Variants in XYLT1 observed in about 807,000 individuals in gnomAD.
XYLT1 encodes beta-D-xylosyltransferase 1.
In XYLT1, 36 loss-of-function variants were observed where a neutral mutation model predicts 91.3. The ratio of observed to expected loss-of-function variants is 0.39; its 90% CI spans 0.30 to 0.52. XYLT1 has a LOEUF of 0.52. Ranked by LOEUF, XYLT1 falls within the 20% of genes least tolerant of loss-of-function variation. The probability of loss-of-function intolerance (pLI) is 0.68; values close to 1 mark genes in which losing one functional copy is unlikely to be tolerated. For synonymous variants in XYLT1, 588 were observed against 532.0 expected, an observed-to-expected ratio of 1.11 and a Z score of -1.45; for missense variants, 1,242 against 1,284.5, an observed-to-expected ratio of 0.97 and a Z score of 0.51.
intron 1 of XYLT1, among the ~76,000 whole-genome samples, chr16:17,413,961 C>A (rs879431260): frequency 1.3e-5 from 2 of 152,146 alleles, no homozygotes; most frequent in Non-Finnish European, 2.9e-5. Context: ...AGCTAGAGAC[C>A]CCTCTAGAGC....
At position 17,341,327 on chromosome 16, in the gene XYLT1, A is replaced by G. The variant is rs115843247; in HGVS notation, c.402+16685T>C. ...TTATTGAACAGCTACTACATCCCAG[A>G]GACTGTGACAGGTGCTGAAAACAGA... On this transcript the variant is annotated intron_variant, in intron 2 of 11. Transcript: ENST00000261381. 6.8e-3 allele frequency among the ~76,000 whole-genome samples: 1,041 copies of G among 152,346 alleles called. 7 individuals are homozygous for G. Among genetic ancestry groups the G allele is most frequent in the African/African-American group, 0.024 (988 of 41,582 alleles).
At position 17,108,144 on chromosome 16, in the gene XYLT1, C is replaced by A. The variant is rs981642551; in HGVS notation, c.*551G>T. 2 of 152,788 alleles carry A rather than the reference C, an allele frequency of 1.3e-5. No individual in the cohort carries two copies. Among genetic ancestry groups the A allele is most frequent in the African/African-American group, 4.8e-5 (2 of 41,458 alleles). 9.5% of individuals were successfully genotyped at this position (152,788 alleles called of 1,614,324 possible). A position where few individuals can be genotyped will look rare whatever the true frequency, so the allele number is the denominator to read the frequency against. On this transcript the variant is annotated 3_prime_UTR_variant, in exon 12 of 12. Transcript: ENST00000261381. ...CCAAAGGGCAGGGCTGGAGTTTGAACCCATGGTTGGTCTGGGCAGTGCTTG... is the reference window on the plus strand; with the variant it reads ...CCAAAGGGCAGGGCTGGAGTTTGAAACCATGGTTGGTCTGGGCAGTGCTTG...
intron 5 of XYLT1, among the ~76,000 whole-genome samples, chr16:17,184,831 T>G (rs1167843000): frequency 6.6e-6 from 1 of 152,220 alleles, no homozygotes; most frequent in Non-Finnish European, 1.5e-5. Context: ...AACTATCACA[T>G]TTTTCCCCAG....
chr16:17,118,448 T>G (rs756210), intron 10 of XYLT1, among the ~76,000 whole-genome samples: 6,405 of 152,220 alleles, frequency 0.042, 200 homozygotes, highest in East Asian at 0.15. Flanking sequence ...AGAGATCATG[T>G]TTTTACAGCT....
intron 11 of XYLT1, among the ~76,000 whole-genome samples, chr16:17,115,312 TAAAAA>T (rs869095502): frequency 2.3e-4 from 11 of 48,830 alleles, no homozygotes; most frequent in African/African-American, 4.7e-4. Flanking sequence ...CAAAAATAGT[TAAAAA>T]AAAAAAAAAA....
intron 3 of XYLT1, among the ~76,000 whole-genome samples, chr16:17,258,124 G>T (rs371453563): frequency 1.1e-4 from 17 of 151,986 alleles, no homozygotes; most frequent in African/African-American, 4.1e-4. Flanking sequence ...GGGAAAGAGG[G>T]AGGGGAAAAG....
intron 5 of XYLT1, among the ~76,000 whole-genome samples, chr16:17,191,439 AG>A (rs1341605545): frequency 1.3e-5 from 2 of 152,188 alleles, no homozygotes; most frequent in East Asian, 3.9e-4. Flanking sequence ...AACATTATCA[AG>A]GGCTTGACTT....
At chr16:17,379,728 ATCTCTCTCTCTCTCTC>A (rs71137986) in intron 1 of XYLT1, among the ~76,000 whole-genome samples, 5 of 125,816 alleles carry the variant, frequency 4.0e-5, no homozygotes, top group Admixed American at 8.4e-5. Context: ...AATGAAGGAT[ATCTCTCTCTCTCTCTC>A]TCTCTCTCTC....
intron 11 of XYLT1, among the ~76,000 whole-genome samples, chr16:17,110,371 A>G (rs1197361035): frequency 6.6e-6 from 1 of 152,172 alleles, no homozygotes; most frequent in African/African-American, 2.4e-5. Context: ...GAAGTAATTG[A>G]ATCATGATGA....
intron 10 of XYLT1, among the ~76,000 whole-genome samples, chr16:17,119,576 C>T (rs928888639): frequency 1.3e-4 from 20 of 152,150 alleles, no homozygotes; most frequent in African/African-American, 1.2e-4. Flanking sequence ...TATGTCAGTC[C>T]ATTCTTTACC....
chr16:17,325,213 C>G (rs1176068014), intron 2 of XYLT1, among the ~76,000 whole-genome samples: 1 of 152,094 alleles, frequency 6.6e-6, no homozygotes, highest in Non-Finnish European at 1.5e-5. Flanking sequence ...GTCTGGCCAA[C>G]ATGGTGAAAC....
chr16:17,338,415 CT>C (rs1202029040), intron 2 of XYLT1: 2 of 456,408 alleles, frequency 4.4e-6, no homozygotes, highest in Non-Finnish European at 8.8e-6. Context: ...ACATCTGACA[CT>C]TTGGAAAAGG....
At chr16:17,138,566 T>C (rs766870366) in intron 7 of XYLT1, 35 bp from the exon 8 acceptor site, 1 of 1,598,958 alleles carries the variant, frequency 6.3e-7, no homozygotes, top group African/African-American at 1.3e-5. Flanking sequence ...CTGAGACCTC[T>C]CCCAGCCTCC....
At chr16:17,260,560 A>G (rs2033707645) in intron 2 of XYLT1, among the ~76,000 whole-genome samples, 1 of 152,124 alleles carries the variant, frequency 6.6e-6, no homozygotes, top group East Asian at 1.9e-4. Context: ...ACCAGTTCCC[A>G]AGGAAAAAGG....
At chr16:17,394,458 G>A (rs1340790242) in intron 1 of XYLT1, among the ~76,000 whole-genome samples, 1 of 152,182 alleles carries the variant, frequency 6.6e-6, no homozygotes, top group Non-Finnish European at 1.5e-5. Flanking sequence ...AGCTGATATG[G>A]CCCAGTGATT....
intron 5 of XYLT1, among the ~76,000 whole-genome samples, chr16:17,167,010 G>C (rs565129800): frequency 8.0e-4 from 122 of 152,150 alleles, no homozygotes; most frequent in Admixed American, 1.0e-3. Context: ...TTAAGTGCTC[G>C]TCCTCCTTAA....
chr16:17,314,670 A>G (rs1159077453), intron 2 of XYLT1, among the ~76,000 whole-genome samples: 2 of 152,176 alleles, frequency 1.3e-5, no homozygotes, highest in East Asian at 1.9e-4. Context: ...CAAGAAAACC[A>G]CTACACTAGT....
intron 1 of XYLT1, among the ~76,000 whole-genome samples, chr16:17,437,079 T>C (rs903255354): frequency 6.6e-6 from 1 of 152,170 alleles, no homozygotes; most frequent in Non-Finnish European, 1.5e-5. Flanking sequence ...GTAAACAGTA[T>C]GGGTCCCATT....
intron 3 of XYLT1, among the ~76,000 whole-genome samples, chr16:17,217,326 T>G (rs2032878731): frequency 6.6e-6 from 1 of 152,098 alleles, no homozygotes; most frequent in Non-Finnish European, 1.5e-5. Flanking sequence ...TCTACAAAGA[T>G]AATACTTACT....
Sources: allele counts gnomAD v4.1 joint callset (sites outside exome capture counted in the v4.1 genomes callset), GRCh38; gene constraint gnomAD v4.1.1; transcripts MANE v1.5; gene names NCBI Gene and HGNC (gene_info 2026-07-23, HGNC 2026-07-21).